Variants in NSD2 observed in about 807,000 individuals in gnomAD.
NSD2 encodes nuclear receptor binding SET domain protein 2.
NSD2 carries 12 observed loss-of-function variants against 139.0 expected under a neutral mutation model. The ratio of observed to expected loss-of-function variants is 0.09; its 90% confidence interval spans 0.06 to 0.14. The LOEUF (loss-of-function observed/expected upper bound fraction) is 0.14, where lower values mean the gene tolerates loss of function less well. Ranked by LOEUF, NSD2 falls within the 10% of genes least tolerant of loss-of-function variation. The pLI, the probability that NSD2 is intolerant of heterozygous loss-of-function variation, is 1.00. For missense variants in NSD2, 1,155 were observed against 1,745.0 expected (o/e 0.66, Z 6.02); for synonymous variants, 669 against 648.7 (o/e 1.03, Z -0.48).
chr4:1,911,587 C>CAAAAAAAAAAAAAAAA (rs372660600), intron 3 of NSD2, among the ~76,000 whole-genome samples: 281 of 40,920 alleles, frequency 6.9e-3, no homozygotes, highest in African/African-American at 7.2e-3. Flanking sequence ...GACGCCATCT[C>CAAAAAAAAAAAAAAAA]AAAAAAAAAA....
chr4:1,926,702 C>T (rs774614242), intron 5 of NSD2, among the ~76,000 whole-genome samples: 5 of 152,114 alleles, frequency 3.3e-5, no homozygotes, highest in Admixed American at 2.6e-4. Context: ...AACACCTGAC[C>T]TCAGGTGATC....
At position 1,977,369 on chromosome 4, in the gene NSD2, C is replaced by T. The variant is rs1043067694; in HGVS notation, c.3826+690C>T. Among the ~76,000 whole-genome samples the T allele has an allele frequency of 6.6e-5, 10 of 152,366 alleles. No homozygotes were observed. In the South Asian group the frequency reaches 2.1e-3, roughly 32 times the overall value. Reference sequence around the variant, plus strand: ...CTCTGGCGGTGCGCAGACATCATGGCTCACACCTAAGGGTGCAGCCACCTC... The same window carrying T: ...CTCTGGCGGTGCGCAGACATCATGGTTCACACCTAAGGGTGCAGCCACCTC... On this transcript the variant is annotated intron_variant, in intron 21 of 21. Transcript: ENST00000508803.
rs1723163649 is a variant in NSD2, at chr4:1,942,138, G to T, written c.1881+2360G>T. On this transcript the variant is annotated intron_variant, in intron 9 of 21. Transcript: ENST00000508803. The surrounding 1 kb of genome is among the most constrained non-coding windows in gnomAD (Gnocchi z 4.0). ...GTAGTTTAAATTCTTCTTGAAAAAGGTATATGTGATAAATAAAAATTTTTA... is the reference window on the plus strand; with the variant it reads ...GTAGTTTAAATTCTTCTTGAAAAAGTTATATGTGATAAATAAAAATTTTTA... 4 of 1,297,358 alleles carry T rather than the reference G, an allele frequency of 3.1e-6. No homozygotes were observed. Among genetic ancestry groups the T allele is most frequent in the South Asian group, 2.1e-5 (1 of 47,572 alleles). 80.4% of individuals were successfully genotyped at this position (1,297,358 alleles called of 1,614,324 possible).
At chr4:1,923,448 G>C (rs1202831730) in intron 5 of NSD2, among the ~76,000 whole-genome samples, 1 of 152,160 alleles carries the variant, frequency 6.6e-6, no homozygotes, top group East Asian at 1.9e-4. Flanking sequence ...GTAAGTGCAT[G>C]AAGAGATGCT....
intron 3 of NSD2, among the ~76,000 whole-genome samples, chr4:1,906,376 C>G (rs890450922): frequency 6.6e-6 from 1 of 151,632 alleles, no homozygotes; most frequent in Non-Finnish European, 1.5e-5. Flanking sequence ...GTAGCTGGGA[C>G]TACAGGTGCG....
intron 11 of NSD2, among the ~76,000 whole-genome samples, chr4:1,952,565 G>C (rs960890912): frequency 2.0e-5 from 3 of 152,204 alleles, no homozygotes; most frequent in Non-Finnish European, 2.9e-5. Context: ...GGGCACTGCC[G>C]CTCAGACAGT....
At chr4:1,939,600 A>G (rs1722865303) in intron 8 of NSD2, 54 bp from the exon 9 acceptor site, 2 of 1,565,642 alleles carry the variant, frequency 1.3e-6, no homozygotes, top group Non-Finnish European at 8.8e-7. Flanking sequence ...TTTAAGCAGT[A>G]AAAAGATCAA....
chr4:1,917,989 C>T (rs926722006), intron 4 of NSD2, 152 bp from the exon 5 acceptor site: 2 of 871,214 alleles, frequency 2.3e-6, no homozygotes, highest in Admixed American at 3.0e-5. Context: ...CCATGTTGAC[C>T]AGGCTGGTCT....
At chr4:1,913,340 T>C (rs1472004160) in intron 3 of NSD2, among the ~76,000 whole-genome samples, 1 of 152,128 alleles carries the variant, frequency 6.6e-6, no homozygotes, top group Non-Finnish European at 1.5e-5. Flanking sequence ...AGTCTCCCTT[T>C]CCGTGGGGGA....
chr4:1,938,417 T>G, intron 7 of NSD2, 34 bp from the exon 8 acceptor site: 72 of 190,372 alleles, frequency 3.8e-4, no homozygotes, highest in East Asian at 6.4e-4. Flanking sequence ...TTTTTCTTTC[T>G]TTTTTTTTTT....
chr4:1,901,281 T>C, intron 2 of NSD2, 30 bp downstream of exon 2: 2 of 1,532,372 alleles, frequency 1.3e-6, no homozygotes, highest in South Asian at 1.3e-5. Flanking sequence ...TAAGGGGTCA[T>C]GTGACCTTGA....
At chr4:1,936,644 G>C (rs1025186778) in intron 7 of NSD2, among the ~76,000 whole-genome samples, 1 of 148,288 alleles carries the variant, frequency 6.7e-6, no homozygotes, top group South Asian at 2.2e-4. Context: ...CTCCAGCCTG[G>C]GTGACAGAAG....
intron 7 of NSD2, among the ~76,000 whole-genome samples, chr4:1,936,665 C>T (rs1227969648): frequency 1.8e-5 from 2 of 113,098 alleles, no homozygotes; most frequent in Non-Finnish European, 3.4e-5. Flanking sequence ...GAGACTCCAT[C>T]TCAAAAAAAA....
intron 21 of NSD2, among the ~76,000 whole-genome samples, chr4:1,977,106 G>A (rs774107912): frequency 6.6e-6 from 1 of 152,264 alleles, no homozygotes; most frequent in East Asian, 1.9e-4. Flanking sequence ...TGGGAATGGA[G>A]GGGCCCAGAG....
chr4:1,974,711 G>A lies in NSD2; in HGVS notation c.3373-152G>A, dbSNP rs781769841. 4.7e-6 allele frequency: 5 copies of A among 1,065,598 alleles called. No individual in the cohort carries two copies. Among genetic ancestry groups the A allele is most frequent in the Non-Finnish European group, 7.2e-6 (5 of 692,634 alleles). The allele number at this position is 1,065,598 out of a possible 1,614,324, so 66.0% of individuals were successfully genotyped here. A position where few individuals can be genotyped will look rare whatever the true frequency, so the allele number is the denominator to read the frequency against. On this transcript the variant is annotated intron_variant, in intron 18 of 21. Transcript: ENST00000508803. The surrounding 1 kb of genome is among the most constrained non-coding windows in gnomAD (Gnocchi z 4.0). ...GAGCAAGAGAAACAGGACTGGTTTG[G>A]GGGTGTCCTGTCTCAGTGGACACAG...
chr4:1,888,076 GTGGTC>G (rs1339417406), intron 1 of NSD2, among the ~76,000 whole-genome samples: 2 of 151,996 alleles, frequency 1.3e-5, no homozygotes, highest in African/African-American at 4.8e-5. Flanking sequence ...TTGGTGATAC[GTGGTC>G]TGATAGTTAT....
intron 9 of NSD2, chr4:1,947,879 C>T: frequency 9.5e-7 from 1 of 1,055,006 alleles, no homozygotes; most frequent in East Asian, 5.3e-5. Flanking sequence ...TGTATGACGC[C>T]ACTCTGAAGA....
chr4:1,949,296 A>C (rs1006946400), intron 9 of NSD2, among the ~76,000 whole-genome samples: 1 of 152,238 alleles, frequency 6.6e-6, no homozygotes, highest in Non-Finnish European at 1.5e-5. Context: ...TGCTCTGATT[A>C]GTGTTCATGA....
At chr4:1,872,639 C>CGAGCGAGAGAGA (rs1322527631) in intron 1 of NSD2, among the ~76,000 whole-genome samples, 1 of 50,646 alleles carries the variant, frequency 2.0e-5, no homozygotes, top group Admixed American at 1.8e-4. Flanking sequence ...AGAGAGAGCG[C>CGAGCGAGAGAGA]GCAGACCCTG....
Sources: allele counts gnomAD v4.1 joint callset (sites outside exome capture counted in the v4.1 genomes callset), GRCh38; gene constraint gnomAD v4.1.1; non-coding constraint Gnocchi (gnomAD v3.1); transcripts MANE v1.5; gene names NCBI Gene and HGNC (gene_info 2026-07-23, HGNC 2026-07-21).